The following GRM8 variants were observed in gnomAD, a reference collection of about 807,000 sequenced individuals.
GRM8 encodes the protein metabotropic glutamate receptor 8.
A neutral mutation model predicts 87.2 loss-of-function variants in GRM8; 47 were observed. The observed-to-expected ratio is 0.54, with a 90% CI of 0.43 to 0.69. GRM8 has a LOEUF of 0.69. Among genes scored for constraint, GRM8 ranks in the 30% least tolerant of loss-of-function variants. GRM8 has a pLI of 0.00. For synonymous variants in GRM8, 396 were observed against 404.5 expected, an observed-to-expected ratio of 0.98 and a Z score of 0.25; for missense variants, 1,019 against 1,139.2, an observed-to-expected ratio of 0.89 and a Z score of 1.52.
At chr7:126,765,321 G>A (rs1290076753) in intron 7 of GRM8, among the ~76,000 whole-genome samples, 1 of 151,884 alleles carries the variant, frequency 6.6e-6, no homozygotes, top group Admixed American at 6.6e-5. Flanking sequence ...CTTTAGACTC[G>A]TTTCTATTCC....
At chr7:126,655,808 A>G (rs1804456957) in intron 7 of GRM8, among the ~76,000 whole-genome samples, 1 of 152,202 alleles carries the variant, frequency 6.6e-6, no homozygotes, top group Non-Finnish European at 1.5e-5. Flanking sequence ...AAACATCCAC[A>G]TGTGGTTTAA....
chr7:126,610,627 T>A (rs986749300), intron 7 of GRM8, among the ~76,000 whole-genome samples: 1 of 152,214 alleles, frequency 6.6e-6, no homozygotes, highest in Non-Finnish European at 1.5e-5. Flanking sequence ...TCTGTAGAGT[T>A]GTTTACCTAA....
At position 126,590,340 on chromosome 7, in the gene GRM8, G is replaced by C. The variant is rs138476998; in HGVS notation, c.1494+19022C>G. On this transcript the variant is annotated intron_variant, in intron 8 of 10. Coordinates refer to ENST00000339582, the MANE Select transcript of GRM8 (RefSeq NM_000845.3). ...AATTCAACAAAGACAAAGAAAAAAA[G>C]AATTTAAAAAAATGAACAAAGCCTG... Among the ~76,000 whole-genome samples the C allele has an allele frequency of 8.6e-3, 1,301 of 151,794 alleles. 8 individuals are homozygous for C. Among genetic ancestry groups the C allele is most frequent in the Non-Finnish European group, 0.012 (820 of 67,930 alleles).
intron 6 of GRM8, among the ~76,000 whole-genome samples, chr7:126,815,153 T>A (rs1282930458): frequency 1.3e-5 from 2 of 152,130 alleles, no homozygotes; most frequent in African/African-American, 4.8e-5. Flanking sequence ...ATGTCATGAA[T>A]AATTCTTTTT....
chr7:126,726,964 A>C (rs1813059119), intron 7 of GRM8, among the ~76,000 whole-genome samples: 1 of 152,004 alleles, frequency 6.6e-6, no homozygotes, highest in African/African-American at 2.4e-5. Context: ...TTGATATATC[A>C]TTTTCCTCTT....
rs142997307 is a variant in GRM8, at chr7:127,087,624, T to G, written c.727+18872A>C. Among the ~76,000 whole-genome samples the G allele has an allele frequency of 2.4e-3, 371 of 152,278 alleles. 2 individuals are homozygous for G. Among genetic ancestry groups the G allele is most frequent in the African/African-American group, 8.6e-3 (357 of 41,554 alleles). On this transcript the variant is annotated intron_variant, in intron 3 of 10. Coordinates refer to ENST00000339582, the MANE Select transcript of GRM8 (RefSeq NM_000845.3). ...AAGAGAAAAATGGGGAGTTATTTAA[T>G]CAATGGGCAAACAGTTTCAGTCAAG... is the stretch of plus-strand genomic sequence containing the variant.
intron 2 of GRM8, among the ~76,000 whole-genome samples, chr7:127,202,917 C>G (rs564175824): frequency 6.6e-6 from 1 of 152,128 alleles, no homozygotes; most frequent in Non-Finnish European, 1.5e-5. Flanking sequence ...CCTCATCTTC[C>G]GAATACATTC....
chr7:126,632,997 T>C (rs1214880900), intron 7 of GRM8, among the ~76,000 whole-genome samples: 1 of 152,134 alleles, frequency 6.6e-6, no homozygotes, highest in African/African-American at 2.4e-5. Context: ...TTTTCCTCTT[T>C]ATTATTTTAT....
chr7:126,717,999 A>T (rs1252253377), intron 7 of GRM8, among the ~76,000 whole-genome samples: 1 of 151,970 alleles, frequency 6.6e-6, no homozygotes, highest in Non-Finnish European at 1.5e-5. Flanking sequence ...TTGGGAGGCC[A>T]AGGCCGGCGG....
chr7:126,749,563 T>A (rs1171982818), intron 7 of GRM8, among the ~76,000 whole-genome samples: 2 of 149,754 alleles, frequency 1.3e-5, no homozygotes, highest in African/African-American at 4.9e-5. Flanking sequence ...TTATATAAAA[T>A]ATATATAATC....
chr7:127,095,507 CTAGA>C (rs753031537), intron 3 of GRM8, among the ~76,000 whole-genome samples: 17 of 152,160 alleles, frequency 1.1e-4, no homozygotes, highest in Non-Finnish European at 2.1e-4. Flanking sequence ...CCGTCAAACA[CTAGA>C]TATTTTACAC....
intron 3 of GRM8, among the ~76,000 whole-genome samples, chr7:126,907,002 C>G (rs1802745897): frequency 6.6e-6 from 1 of 151,800 alleles, no homozygotes; most frequent in African/African-American, 2.4e-5. Flanking sequence ...TCTAAGTTCA[C>G]AGAATTCAGA....
At chr7:127,181,891 C>A (rs1318151755) in intron 2 of GRM8, among the ~76,000 whole-genome samples, 1 of 152,050 alleles carries the variant, frequency 6.6e-6, no homozygotes, top group Admixed American at 6.6e-5. Flanking sequence ...TATAAAAATT[C>A]TAGATGATAA....
chr7:127,076,440 G>C (rs1822264874), intron 3 of GRM8, among the ~76,000 whole-genome samples: 1 of 152,176 alleles, frequency 6.6e-6, no homozygotes, highest in African/African-American at 2.4e-5. Context: ...TTGAGCCCAG[G>C]AAAGCAGAAA....
chr7:127,004,652 T>C (rs1234172235), intron 3 of GRM8, among the ~76,000 whole-genome samples: 2 of 151,616 alleles, frequency 1.3e-5, no homozygotes, highest in East Asian at 3.9e-4. Context: ...ACTTTAAGGA[T>C]GAAGAAAAAT....
At chr7:126,829,977 A>G (rs992077414) in intron 6 of GRM8, among the ~76,000 whole-genome samples, 18 of 152,078 alleles carry the variant, frequency 1.2e-4, no homozygotes, top group African/African-American at 3.9e-4. Flanking sequence ...AGTTTGGCTG[A>G]ATATGAAATT....
chr7:127,185,245 GC>G (rs1168516264), intron 2 of GRM8, among the ~76,000 whole-genome samples: 3 of 151,926 alleles, frequency 2.0e-5, no homozygotes, highest in African/African-American at 7.2e-5. Flanking sequence ...TGTCGTATTA[GC>G]AAAAGAATAG....
chr7:126,775,455 G>A (rs1262074887), intron 6 of GRM8, among the ~76,000 whole-genome samples: 2 of 144,092 alleles, frequency 1.4e-5, no homozygotes, highest in African/African-American at 2.6e-5. Context: ...ACTAAAGAGT[G>A]AGCGCTATCA....
intron 7 of GRM8, among the ~76,000 whole-genome samples, chr7:126,703,361 T>C (rs1810147332): frequency 6.6e-6 from 1 of 152,168 alleles, no homozygotes; most frequent in Admixed American, 6.5e-5. Flanking sequence ...TTTCGTTTTG[T>C]TTTTGGGTAT....
Sources: allele counts gnomAD v4.1 joint callset (sites outside exome capture counted in the v4.1 genomes callset), GRCh38; gene constraint gnomAD v4.1.1; transcripts MANE v1.5; gene names NCBI Gene and HGNC (gene_info 2026-07-23, HGNC 2026-07-21).